The following KCNJ8 variants were observed in gnomAD, a reference collection of about 807,000 sequenced individuals.
The protein encoded by KCNJ8 is potassium inwardly rectifying channel subfamily J member 8.
In KCNJ8, 13 loss-of-function variants were observed where a neutral mutation model predicts 28.2. The ratio of observed to expected loss-of-function variants is 0.46; its 90% CI spans 0.30 to 0.73. The LOEUF (loss-of-function observed/expected upper bound fraction) is 0.73, where lower values mean the gene tolerates loss of function less well. Among genes scored for constraint, KCNJ8 ranks in the 30% least tolerant of loss-of-function variants. KCNJ8 has a pLI of 0.07. For missense variants in KCNJ8, 284 were observed against 542.6 expected, an observed-to-expected ratio of 0.52 and a Z score of 4.73; for synonymous variants, 188 against 195.9, an observed-to-expected ratio of 0.96 and a Z score of 0.34.
At position 21,766,691 on chromosome 12, in the gene KCNJ8, G is replaced by T; in HGVS notation, c.375-68C>A. ...TTTGAATAATGAAATATGCCAAGCT[G>T]AGCTTTTCATTTTCTTCCACCAAAG... On this transcript the variant is annotated intron_variant, in intron 2 of 2. Transcript: ENST00000240662. This position sits in a 1 kb window ranked among gnomAD's most constrained non-coding sequence, Gnocchi z 6.5. 1 of 1,311,772 alleles carries T rather than the reference G, an allele frequency of 7.6e-7. No homozygotes were observed. Among genetic ancestry groups the T allele is most frequent in the Non-Finnish European group, 1.1e-6 (1 of 931,072 alleles). 81.3% of individuals were successfully genotyped at this position (1,311,772 alleles called of 1,614,324 possible).
chr12:21,772,163 A>T (rs1052755757), intron 2 of KCNJ8, among the ~76,000 whole-genome samples: 1 of 152,302 alleles, frequency 6.6e-6, no homozygotes, highest in Admixed American at 6.5e-5. Context: ...TTCTGCAGTG[A>T]TATGCTAGCT....
rs1170809182 is a variant in KCNJ8, at chr12:21,774,592, G to C, written c.-117C>G. On this transcript the variant is annotated 5_prime_UTR_variant, in exon 1 of 3. Transcript: ENST00000240662. ...GCGGCTGGACCTCCTTGCACACGCC[G>C]GCGGGCCGCGGGCAGGTCCCTCGCT... The C allele has an allele frequency of 6.6e-6, 1 of 152,188 alleles. No homozygotes were observed. The highest frequency in any genetic ancestry group is 2.4e-5 in the African/African-American group (1 of 41,440). The allele number at this position is 152,188 out of a possible 1,614,324, so 9.4% of individuals were successfully genotyped here. A position where few individuals can be genotyped will look rare whatever the true frequency, so the allele number is the denominator to read the frequency against.
chr12:21,765,655 T>A lies in KCNJ8; in HGVS notation c.*68A>T. 1 of 1,317,468 alleles carries A rather than the reference T, an allele frequency of 7.6e-7. No homozygotes were observed. The highest frequency in any genetic ancestry group is 1.1e-6 in the Non-Finnish European group (1 of 910,216). The allele number at this position is 1,317,468 out of a possible 1,614,324, so 81.6% of individuals were successfully genotyped here. A position where few individuals can be genotyped will look rare whatever the true frequency, so the allele number is the denominator to read the frequency against. On this transcript the variant is annotated 3_prime_UTR_variant, in exon 3 of 3. Transcript: ENST00000240662. ...CACATTATTGTGTTCCAGCTCTGGT[T>A]CAGTCTGGCAGTGCCCAGCATAAAC...
Position 21,765,463 on chromosome 12 carries a change from C to T in KCNJ8, c.*260G>A, listed in dbSNP as rs1026409913. ...TTCTTGTGTTTCAAATTGAGAGAAA[C>T]GAGCATACCCACCCCTGCACATAAC... On this transcript the variant is annotated 3_prime_UTR_variant, in exon 3 of 3. Coordinates refer to ENST00000240662, the MANE Select transcript of KCNJ8 (RefSeq NM_004982.4). 3.1e-5 allele frequency: 16 copies of T among 508,618 alleles called. No individual in the cohort carries two copies. Among genetic ancestry groups the T allele is most frequent in the East Asian group, 1.8e-4 (5 of 27,390 alleles). The allele number at this position is 508,618 out of a possible 1,614,324, so 31.5% of individuals were successfully genotyped here.
At position 21,773,213 on chromosome 12, in the gene KCNJ8, A is replaced by C. The variant is rs2137051807; in HGVS notation, c.374+30T>G. 2 of 1,610,500 alleles carry C rather than the reference A, an allele frequency of 1.2e-6. No individual in the cohort carries two copies. The highest frequency in any genetic ancestry group is 8.5e-7 in the Non-Finnish European group (1 of 1,179,382). Reference sequence around the variant, plus strand: ...TTGACATTTTTTCTCTACTGTTTTCAACCCCTGCCTCATCCCACTACATTC... The same window carrying C: ...TTGACATTTTTTCTCTACTGTTTTCCACCCCTGCCTCATCCCACTACATTC... On this transcript the variant is annotated intron_variant, in intron 2 of 2. Transcript: ENST00000240662. This position sits in a 1 kb window ranked among gnomAD's most constrained non-coding sequence, Gnocchi z 4.6.
At chr12:21,769,703 C>A (rs1940713036) in intron 2 of KCNJ8, among the ~76,000 whole-genome samples, 1 of 152,054 alleles carries the variant, frequency 6.6e-6, no homozygotes, top group Admixed American at 6.6e-5. Context: ...GGAAGAAGTT[C>A]ATTCTAATTC....
intron 2 of KCNJ8, among the ~76,000 whole-genome samples, chr12:21,768,192 C>T (rs1470268071): frequency 2.0e-5 from 3 of 152,146 alleles, no homozygotes; most frequent in Non-Finnish European, 2.9e-5. Context: ...ATCTAATGCC[C>T]CCACTGATGT....
chr12:21,766,594 A>G lies in KCNJ8; in HGVS notation c.404T>C (p.Ile135Thr). Residue 135 changes from isoleucine to threonine, a missense_variant, in exon 3 of 3, where the codon ATT (isoleucine) becomes ACT (threonine). Ile to Thr is a moderately conservative substitution (Grantham distance 89). Transcript: ENST00000240662. The surrounding 1 kb of genome is among the most constrained non-coding windows in gnomAD (Gnocchi z 6.5). ...AAACCCAATGGTAACTTGAACTTCA[A>G]TGGAGAAGAGAAAAGCAGAAGTGAA... ...RSFTSAFLFSIEVQVTIGFGG... is the reference protein window; with the variant it reads ...RSFTSAFLFSTEVQVTIGFGG... 1 of 1,602,174 alleles carries G rather than the reference A, an allele frequency of 6.2e-7. No individual in the cohort carries two copies. The highest frequency in any genetic ancestry group is 8.5e-7 in the Non-Finnish European group (1 of 1,179,742).
At position 21,766,953 on chromosome 12, in the gene KCNJ8, A is replaced by T. The variant is rs1390487757; in HGVS notation, c.375-330T>A. 6.6e-6 allele frequency among the ~76,000 whole-genome samples: 1 copy of T among 152,196 alleles called. No homozygotes were observed. The highest frequency in any genetic ancestry group is 1.5e-5 in the Non-Finnish European group (1 of 68,032). On this transcript the variant is annotated intron_variant, in intron 2 of 2. Transcript: ENST00000240662. This position sits in a 1 kb window ranked among gnomAD's most constrained non-coding sequence, Gnocchi z 6.5. ...TTGTGTAAAAGATTAATATATTTTC[A>T]TATATATGCATATTTTACCTTGCGA...
Position 21,765,610 on chromosome 12 carries a change from T to C in KCNJ8, c.*113A>G. 2 of 897,994 alleles carry C rather than the reference T, an allele frequency of 2.2e-6. No homozygotes were observed. Among genetic ancestry groups the C allele is most frequent in the Non-Finnish European group, 3.8e-6 (2 of 532,508 alleles). The allele number at this position is 897,994 out of a possible 1,614,324, so 55.6% of individuals were successfully genotyped here. A position where few individuals can be genotyped will look rare whatever the true frequency, so the allele number is the denominator to read the frequency against. ...TTGCTTGAATATGAATATCATTTAG[T>C]GTAATAAAATGTAGAAGGACACATT... On this transcript the variant is annotated 3_prime_UTR_variant, in exon 3 of 3. Coordinates refer to ENST00000240662, the MANE Select transcript of KCNJ8 (RefSeq NM_004982.4).
chr12:21,771,157 TACA>T (rs901100661), intron 2 of KCNJ8, among the ~76,000 whole-genome samples: 25 of 152,322 alleles, frequency 1.6e-4, no homozygotes, highest in African/African-American at 5.5e-4. Flanking sequence ...GGGGTATGGA[TACA>T]ACACTGATTT....
chr12:21,770,335 AC>A (rs1374556422), intron 2 of KCNJ8, among the ~76,000 whole-genome samples: 1 of 152,174 alleles, frequency 6.6e-6, no homozygotes, highest in African/African-American at 2.4e-5. Context: ...GGTATTACAC[AC>A]TTACTAGATT....
chr12:21,774,385 G>T (rs1326552786), intron 1 of KCNJ8, among the ~76,000 whole-genome samples, 161 bp downstream of exon 1: 1 of 151,250 alleles, frequency 6.6e-6, no homozygotes, highest in African/African-American at 2.4e-5. Flanking sequence ...GGTGCGGGGG[G>T]GAAAAAACCC....
At chr12:21,767,663 T>A (rs926203645) in intron 2 of KCNJ8, among the ~76,000 whole-genome samples, 1 of 152,164 alleles carries the variant, frequency 6.6e-6, no homozygotes, top group African/African-American at 2.4e-5. Context: ...CTCTAGGTGT[T>A]CTGGAGAATA....
Position 21,765,524 on chromosome 12 carries a change from C to T in KCNJ8, c.*199G>A. On this transcript the variant is annotated 3_prime_UTR_variant, in exon 3 of 3. Coordinates refer to ENST00000240662, the MANE Select transcript of KCNJ8 (RefSeq NM_004982.4). ...CACTGCGAATTCTACATGTATGAAA[C>T]AAGCATAAGCCATGAATCCTCCACT... 2 of 617,476 alleles carry T rather than the reference C, an allele frequency of 3.2e-6. No individual in the cohort carries two copies. The highest frequency in any genetic ancestry group is 5.8e-6 in the Non-Finnish European group (2 of 346,912). The allele number at this position is 617,476 out of a possible 1,614,324, so 38.2% of individuals were successfully genotyped here.
intron 2 of KCNJ8, among the ~76,000 whole-genome samples, chr12:21,769,885 C>A (rs560909225): frequency 6.6e-6 from 1 of 152,228 alleles, no homozygotes; most frequent in African/African-American, 2.4e-5. Context: ...GACAAGCAAC[C>A]AAAGTGGTTT....
In KCNJ8 at chr12:21,765,940, C is replaced by T; in HGVS notation, c.1058G>A (p.Cys353Tyr). 1 of 1,614,200 alleles carries T rather than the reference C, an allele frequency of 6.2e-7. No individual in the cohort carries two copies. Among genetic ancestry groups the T allele is most frequent in the East Asian group, 2.2e-5 (1 of 44,888 alleles). The change falls in exon 3 of 3, where the codon TGC becomes TAC. Residue 353 changes from cysteine (C) to tyrosine (Y), a missense_variant. This residue lies in a region of KCNJ8 where 107 missense variants were observed against 235.6 expected (regional missense o/e 0.45). Coordinates refer to ENST00000240662, the MANE Select transcript of KCNJ8 (RefSeq NM_004982.4). ...TTTCTCATCCAGCTCTCGGGCACTG[C>T]ACCGTGGAGCAGCTACTTTAACAGT... ...GNTVKVAAPR[C>Y]SARELDEKPS...
intron 2 of KCNJ8, among the ~76,000 whole-genome samples, chr12:21,768,381 T>G (rs1325674518): frequency 1.3e-5 from 2 of 152,222 alleles, no homozygotes; most frequent in Admixed American, 6.5e-5. Context: ...GATAAATGTG[T>G]GTGTTCTGAG....
In KCNJ8 at chr12:21,765,638, T is replaced by A; in HGVS notation, c.*85A>T. 1 of 1,103,204 alleles carries A rather than the reference T, an allele frequency of 9.1e-7. No homozygotes were observed. The highest frequency in any genetic ancestry group is 1.4e-6 in the Non-Finnish European group (1 of 715,014). 68.3% of individuals were successfully genotyped at this position (1,103,204 alleles called of 1,614,324 possible). Reference sequence around the variant, plus strand: ...AATAAAATGTAGAAGGACACATTATTGTGTTCCAGCTCTGGTTCAGTCTGG... The same window carrying A: ...AATAAAATGTAGAAGGACACATTATAGTGTTCCAGCTCTGGTTCAGTCTGG... On this transcript the variant is annotated 3_prime_UTR_variant, in exon 3 of 3. Transcript: ENST00000240662.
Sources: allele counts gnomAD v4.1 joint callset (sites outside exome capture counted in the v4.1 genomes callset), GRCh38; gene constraint gnomAD v4.1.1; regional missense constraint gnomAD v4.1.1; non-coding constraint Gnocchi (gnomAD v3.1); transcripts MANE v1.5; gene names NCBI Gene and HGNC (gene_info 2026-07-23, HGNC 2026-07-21).